Variants in TMEM174 observed in about 807,000 individuals in gnomAD.
The protein encoded by TMEM174 is transmembrane protein 174.
Under a neutral mutation model 15.1 loss-of-function variants are expected in TMEM174, and 11 were observed. The ratio of observed to expected loss-of-function variants is 0.73; its 90% CI spans 0.46 to 1.20. TMEM174 has a LOEUF of 1.20. Ranked by LOEUF, TMEM174 falls within the 50% of genes most tolerant of loss-of-function variation. The pLI is 0.00. For synonymous variants in TMEM174, 130 were observed against 121.3 expected (o/e 1.07, Z -0.47); for missense variants, 321 against 303.6 (o/e 1.06, Z -0.43).
At position 73,173,813 on chromosome 5, in the gene TMEM174, C is replaced by A; in HGVS notation, c.570C>A (p.Asn190Lys). 6.2e-7 allele frequency: 1 copy of A among 1,614,190 alleles called. No homozygotes were observed. The highest frequency in any genetic ancestry group is 1.1e-5 in the South Asian group (1 of 91,084). Residue 190 changes from asparagine to lysine, a missense_variant, in exon 1 of 2, where the codon AAC (asparagine) becomes AAA (lysine). Coordinates refer to ENST00000296776, the MANE Select transcript of TMEM174 (RefSeq NM_153217.3). ...ACTACACCATCTACCCTCAAGATAA[C>A]TCTGCATTTGTGGTTGATGAGGGCT... ...PQYYTIYPQD[N>K]SAFVVDEGCL...
rs563487099 is a variant in TMEM174, at chr5:73,174,917, G to A, written c.*752G>A. ...GCAAGGTTGAAGCTTGACGTGTGAT[G>A]AACATGGGTGGGCTCTTGGTCCACC... On this transcript the variant is annotated 3_prime_UTR_variant, in exon 2 of 2. Transcript: ENST00000296776. The A allele has an allele frequency of 1.0e-4, 16 of 152,522 alleles. No individual in the cohort carries two copies. Among genetic ancestry groups the A allele is most frequent in the African/African-American group, 3.8e-4 (16 of 41,584 alleles). 9.4% of individuals were successfully genotyped at this position (152,522 alleles called of 1,614,324 possible).
chr5:73,174,242 T>G lies in TMEM174; in HGVS notation c.*77T>G. ...CGTCATTGTTACCTGACAACCGTGG[T>G]GTTCTATGTTGTAACCTTCAGAAGT... On this transcript the variant is annotated 3_prime_UTR_variant, in exon 2 of 2. Transcript: ENST00000296776. The G allele has an allele frequency of 1.5e-6, 2 of 1,374,836 alleles. No individual in the cohort carries two copies. The highest frequency in any genetic ancestry group is 2.1e-6 in the Non-Finnish European group (2 of 971,146). 85.2% of individuals were successfully genotyped at this position (1,374,836 alleles called of 1,614,324 possible).
In TMEM174 at chr5:73,175,116, T is replaced by C. The variant is rs1172286986; in HGVS notation, c.*951T>C. ...TTATGACTAAAAGAAACTCATCTTC[T>C]TCATTAAAAAAACTTTGGTGTCCTT... On this transcript the variant is annotated 3_prime_UTR_variant, in exon 2 of 2. Coordinates refer to ENST00000296776, the MANE Select transcript of TMEM174 (RefSeq NM_153217.3). 6.6e-6 allele frequency: 1 copy of C among 152,350 alleles called. No homozygotes were observed. Among genetic ancestry groups the C allele is most frequent in the East Asian group, 1.9e-4 (1 of 5,312 alleles). 9.4% of individuals were successfully genotyped at this position (152,350 alleles called of 1,614,324 possible).
intron 1 of TMEM174, 24 bp downstream of exon 1, chr5:73,173,893 T>C: frequency 1.2e-6 from 2 of 1,602,364 alleles, no homozygotes; most frequent in Non-Finnish European, 1.7e-6. Context: ...ACTGGGGGAA[T>C]GCACTCCTTC....
chr5:73,173,864 T>A lies in TMEM174; in HGVS notation c.621T>A (p.Asn207Lys). 6.2e-6 allele frequency: 10 copies of A among 1,611,660 alleles called. No homozygotes were observed. The highest frequency in any genetic ancestry group is 2.2e-5 in the East Asian group (1 of 44,810). The change falls in exon 1 of 2, where the codon AAT (asparagine) becomes AAA (lysine). Residue 207 changes from asparagine (N) to lysine (K), a missense_variant. Coordinates refer to ENST00000296776, the MANE Select transcript of TMEM174 (RefSeq NM_153217.3). ...GCCTTTCTTTCACGGACGGTGGAAA[T>A]CACAGGTATGGCGTGTCTACTGGGG... ...EGCLSFTDGGNHRPNPDVDQL... is the reference protein window; with the variant it reads ...EGCLSFTDGGKHRPNPDVDQL...
In TMEM174 at chr5:73,173,670, C is replaced by G; in HGVS notation, c.427C>G (p.Pro143Ala). The change falls in exon 1 of 2, where the codon CCT becomes GCT. Residue 143 changes from proline to alanine, a missense_variant. Physicochemically the swap from Pro to Ala is conservative, Grantham distance 27. Transcript: ENST00000296776. ...CACTGTGGTGCAGTACATCCCTCCTCCTTATGGTTCTCCAGAGCCTATGGG... is the reference window on the plus strand; with the variant it reads ...CACTGTGGTGCAGTACATCCCTCCTGCTTATGGTTCTCCAGAGCCTATGGG... ...GATVVQYIPP[P>A]YGSPEPMGIN... The G allele has an allele frequency of 1.2e-6, 2 of 1,614,178 alleles. No individual in the cohort carries two copies. Among genetic ancestry groups the G allele is most frequent in the Non-Finnish European group, 1.7e-6 (2 of 1,180,040 alleles).
At position 73,173,479 on chromosome 5, in the gene TMEM174, T is replaced by C; in HGVS notation, c.236T>C (p.Leu79Pro). 1 of 1,614,250 alleles carries C rather than the reference T, an allele frequency of 6.2e-7. No homozygotes were observed. Among genetic ancestry groups the C allele is most frequent in the Non-Finnish European group, 8.5e-7 (1 of 1,180,048 alleles). The change falls in exon 1 of 2, where the codon CTG becomes CCG. Residue 79 changes from leucine to proline, a missense_variant. Leu to Pro is a moderately conservative substitution (Grantham distance 98, BLOSUM62 -3). Transcript: ENST00000296776. ...EWTQLLGPVL[L>P]SVGVTFILIA... ...ACCCAGCTCCTTGGGCCCGTCCTGC[T>C]GTCAGTTGGGGTGACATTCATCCTG...
In TMEM174 at chr5:73,174,296, G is replaced by C. The variant is rs1745029954; in HGVS notation, c.*131G>C. 1.2e-5 allele frequency: 9 copies of C among 781,180 alleles called. No individual in the cohort carries two copies. Among genetic ancestry groups the C allele is most frequent in the Non-Finnish European group, 1.7e-5 (8 of 484,050 alleles). 48.4% of individuals were successfully genotyped at this position (781,180 alleles called of 1,614,324 possible). A position where few individuals can be genotyped will look rare whatever the true frequency, so the allele number is the denominator to read the frequency against. On this transcript the variant is annotated 3_prime_UTR_variant, in exon 2 of 2. Coordinates refer to ENST00000296776, the MANE Select transcript of TMEM174 (RefSeq NM_153217.3). ...AGCAGCGCCCAGGCAGCCTGACAGA[G>C]ATCATTCAAGGGGGGAAAGGGGAAG... is the stretch of plus-strand genomic sequence containing the variant.
At position 73,174,241 on chromosome 5, in the gene TMEM174, G is replaced by T. The variant is rs1226564297; in HGVS notation, c.*76G>T. On this transcript the variant is annotated 3_prime_UTR_variant, in exon 2 of 2. Coordinates refer to ENST00000296776, the MANE Select transcript of TMEM174 (RefSeq NM_153217.3). ...CCGTCATTGTTACCTGACAACCGTGGTGTTCTATGTTGTAACCTTCAGAAG... is the reference window on the plus strand; with the variant it reads ...CCGTCATTGTTACCTGACAACCGTGTTGTTCTATGTTGTAACCTTCAGAAG... The T allele has an allele frequency of 1.4e-6, 2 of 1,399,600 alleles. No homozygotes were observed. Among genetic ancestry groups the T allele is most frequent in the Non-Finnish European group, 2.0e-6 (2 of 992,426 alleles). 86.7% of individuals were successfully genotyped at this position (1,399,600 alleles called of 1,614,324 possible).
rs868771799 is a variant in TMEM174, at chr5:73,173,564, G to T, written c.321G>T (p.Arg107Ser). The change falls in exon 1 of 2, where the codon AGG (arginine) becomes AGT (serine). Residue 107 changes from arginine to serine, a missense_variant. Physicochemically the swap from Arg to Ser is moderately radical, Grantham distance 110 (BLOSUM62 -1). Coordinates refer to ENST00000296776, the MANE Select transcript of TMEM174 (RefSeq NM_153217.3). ...SCQLCKESEE[R>S]VPDSEQTPGG... is the part of the protein sequence containing the mutation. ...AGTTGTGCAAAGAAAGTGAGGAAAGGGTCCCGGACTCGGAACAGACACCAG... is the reference window on the plus strand; with the variant it reads ...AGTTGTGCAAAGAAAGTGAGGAAAGTGTCCCGGACTCGGAACAGACACCAG... 1 of 1,614,164 alleles carries T rather than the reference G, an allele frequency of 6.2e-7. No individual in the cohort carries two copies. Among genetic ancestry groups the T allele is most frequent in the South Asian group, 1.1e-5 (1 of 91,076 alleles).
chr5:73,173,372 A>G lies in TMEM174; in HGVS notation c.129A>G (p.Ser43=). ...DDKAGATLLF[S]GIFLGLVGIT... is the part of the protein sequence containing the mutation. ...AGGCGGGGGCCACCTTGCTCTTCTC[A>G]GGCATCTTTCTGGGACTGGTGGGGA... is the stretch of plus-strand genomic sequence containing the variant. The change falls in exon 1 of 2, where the codon TCA becomes TCG. Residue 43 remains serine (S), a synonymous_variant. Transcript: ENST00000296776. 2 of 1,610,772 alleles carry G rather than the reference A, an allele frequency of 1.2e-6. No individual in the cohort carries two copies. Among genetic ancestry groups the G allele is most frequent in the Non-Finnish European group, 1.7e-6 (2 of 1,177,350 alleles).
At position 73,174,459 on chromosome 5, in the gene TMEM174, A is replaced by C. The variant is rs1580257826; in HGVS notation, c.*294A>C. 1 of 292,652 alleles carries C rather than the reference A, an allele frequency of 3.4e-6. No homozygotes were observed. Among genetic ancestry groups the C allele is most frequent in the Non-Finnish European group, 6.4e-6 (1 of 157,260 alleles). The allele number at this position is 292,652 out of a possible 1,614,324, so 18.1% of individuals were successfully genotyped here. On this transcript the variant is annotated 3_prime_UTR_variant, in exon 2 of 2. Transcript: ENST00000296776. ...CAGGAATTTCACTTTTTCATCCACCACCCTCCCCCTTCTCTGTAGGAAGGC... is the reference window on the plus strand; with the variant it reads ...CAGGAATTTCACTTTTTCATCCACCCCCCTCCCCCTTCTCTGTAGGAAGGC...
At position 73,173,752 on chromosome 5, in the gene TMEM174, G is replaced by A. The variant is rs775939161; in HGVS notation, c.509G>A (p.Gly170Glu). ...VVSPCGLITS[G>E]GAAAAMSSPP... Reference sequence around the variant, plus strand: ...AGCCCCTGCGGCCTCATAACCTCTGGAGGGGCAGCAGCCGCCATGTCAAGT... The same window carrying A: ...AGCCCCTGCGGCCTCATAACCTCTGAAGGGGCAGCAGCCGCCATGTCAAGT... Residue 170 changes from glycine (G) to glutamate (E), a missense_variant, in exon 1 of 2, where the codon GGA becomes GAA. By Grantham distance (98) the Gly-to-Glu change is moderately conservative. Coordinates refer to ENST00000296776, the MANE Select transcript of TMEM174 (RefSeq NM_153217.3). 1 of 1,614,194 alleles carries A rather than the reference G, an allele frequency of 6.2e-7. No individual in the cohort carries two copies. The highest frequency in any genetic ancestry group is 1.1e-5 in the South Asian group (1 of 91,072).
Position 73,174,096 on chromosome 5 carries a change from G to A in TMEM174, c.663G>A (p.Gln221=). The A allele has an allele frequency of 6.2e-7, 1 of 1,614,126 alleles. No individual in the cohort carries two copies. The highest frequency in any genetic ancestry group is 1.1e-5 in the South Asian group (1 of 91,080). ...NPDVDQLEET[Q]LEEEACACFS... is the part of the protein sequence containing the mutation. ...ATGTTGACCAGCTAGAAGAGACACA[G>A]CTGGAAGAGGAGGCCTGTGCCTGCT... The change falls in exon 2 of 2, where the codon CAG becomes CAA. Residue 221 remains glutamine, a synonymous_variant. Coordinates refer to ENST00000296776, the MANE Select transcript of TMEM174 (RefSeq NM_153217.3).
In TMEM174 at chr5:73,174,047, G is replaced by A; in HGVS notation, c.627-13G>A. ...GGACCATAATGTACCTGTGTTTTCT[G>A]CTCACATTTCAGGCCCAATCCTGAT... On this transcript the variant is annotated splice_polypyrimidine_tract_variant and intron_variant, in intron 1 of 1. Coordinates refer to ENST00000296776, the MANE Select transcript of TMEM174 (RefSeq NM_153217.3). 2 of 1,613,480 alleles carry A rather than the reference G, an allele frequency of 1.2e-6. No homozygotes were observed. The highest frequency in any genetic ancestry group is 1.7e-6 in the Non-Finnish European group (2 of 1,179,908).
chr5:73,173,228 G>A lies in TMEM174; in HGVS notation c.-16G>A, dbSNP rs775563274. 4.0e-6 allele frequency: 6 copies of A among 1,518,410 alleles called. No homozygotes were observed. The South Asian group carries it at 5.4e-5, about 14-fold the overall frequency. The allele number at this position is 1,518,410 out of a possible 1,614,324, so 94.1% of individuals were successfully genotyped here. A position where few individuals can be genotyped will look rare whatever the true frequency, so the allele number is the denominator to read the frequency against. ...TCCTCTCCACTCTAAGAAGCAGGGT[G>A]AGCCCACAAGGAGCAATGGAGCAGG... On this transcript the variant is annotated 5_prime_UTR_variant, in exon 1 of 2. Coordinates refer to ENST00000296776, the MANE Select transcript of TMEM174 (RefSeq NM_153217.3).
rs377570379 is a variant in TMEM174 at position 73,173,529 on chromosome 5, C to G, written c.286C>G (p.Leu96Val). The G allele has an allele frequency of 2.5e-5, 40 of 1,614,126 alleles. No individual in the cohort carries two copies. Among genetic ancestry groups the G allele is most frequent in the Non-Finnish European group, 2.9e-5 (34 of 1,180,058 alleles). The change falls in exon 1 of 2, where the codon CTC (leucine) becomes GTC (valine). Residue 96 changes from leucine (L) to valine (V), a missense_variant. Coordinates refer to ENST00000296776, the MANE Select transcript of TMEM174 (RefSeq NM_153217.3). Reference protein sequence around the residue: ...ILIAVCKFKMLSCQLCKESEE... With the variant: ...ILIAVCKFKMVSCQLCKESEE... ...GATTGCTGTGTGCAAGTTCAAAATG[C>G]TCTCCTGCCAGTTGTGCAAAGAAAG...
Position 73,174,354 on chromosome 5 carries a change from T to G in TMEM174, c.*189T>G. ...TGCAATTTCTCAGATTGGTAAAAAT[T>G]AGGCTGGGCTGGGGAAATTCTCCTC... is the stretch of plus-strand genomic sequence containing the variant. On this transcript the variant is annotated 3_prime_UTR_variant, in exon 2 of 2. Transcript: ENST00000296776. 3.4e-6 allele frequency: 2 copies of G among 584,944 alleles called. No homozygotes were observed. The highest frequency in any genetic ancestry group is 6.0e-6 in the Non-Finnish European group (2 of 332,470). 36.2% of individuals were successfully genotyped at this position (584,944 alleles called of 1,614,324 possible).
rs775831344 is a variant in TMEM174 at position 73,174,434 on chromosome 5, C to G, written c.*269C>G. 2 of 374,498 alleles carry G rather than the reference C, an allele frequency of 5.3e-6. No homozygotes were observed. Among genetic ancestry groups the G allele is most frequent in the Non-Finnish European group, 9.6e-6 (2 of 207,506 alleles). 23.2% of individuals were successfully genotyped at this position (374,498 alleles called of 1,614,324 possible). A position where few individuals can be genotyped will look rare whatever the true frequency, so the allele number is the denominator to read the frequency against. ...AAATCTCCTGTATAAGGTTCAGGAG[C>G]AGGAATTTCACTTTTTCATCCACCA... On this transcript the variant is annotated 3_prime_UTR_variant, in exon 2 of 2. Coordinates refer to ENST00000296776, the MANE Select transcript of TMEM174 (RefSeq NM_153217.3).
Sources: gnomAD v4.1 joint callset for allele counts on GRCh38, gnomAD v4.1.1 for gene constraint, MANE v1.5 for transcripts, NCBI Gene and HGNC (gene_info 2026-07-23, HGNC 2026-07-21) for gene names.